The following SLC17A1 variants were observed in gnomAD, a reference collection of about 807,000 sequenced individuals.
SLC17A1 encodes the protein sodium-dependent phosphate transport protein 1.
SLC17A1 carries 51 observed loss-of-function variants against 53.5 expected under a neutral mutation model. The ratio of observed to expected loss-of-function variants is 0.95; its 90% CI spans 0.76 to 1.20. SLC17A1 has a LOEUF of 1.20. Among genes scored for constraint, SLC17A1 ranks in the 50% most tolerant of loss-of-function variants. The pLI is 0.00. For missense variants in SLC17A1, 538 were observed against 568.2 expected (o/e 0.95, Z 0.54); for synonymous variants, 179 against 198.8 (o/e 0.90, Z 0.84).
the SLC17A1 span, among the ~76,000 whole-genome samples, chr6:25,742,933 C>T: frequency 0.27 from 41,335 of 152,114 alleles, 6,834 homozygotes; most frequent in East Asian, 0.7. Flanking sequence ...TACAACTCCA[C>T]ATATATGAAA....
chr6:25,785,035 A>G (rs1385456779), intron 12 of SLC17A1, among the ~76,000 whole-genome samples: 1 of 152,190 alleles, frequency 6.6e-6, no homozygotes, highest in Non-Finnish European at 1.5e-5. Flanking sequence ...AAAATATTAG[A>G]ACTAATGAGT....
the SLC17A1 span, chr6:25,726,851 A>T: frequency 6.5e-7 from 1 of 1,545,122 alleles, no homozygotes; most frequent in East Asian, 2.2e-5. Context: ...TGAGCACTGG[A>T]AAGTGCTGTG....
At position 25,792,126 on chromosome 6, in the gene SLC17A1, C is replaced by T. The variant is rs577508257; in HGVS notation, c.*2+6657G>A. On this transcript the variant is annotated intron_variant, in intron 12 of 12. Coordinates refer to ENST00000244527, the MANE Select transcript of SLC17A1 (RefSeq NM_005074.5). ...GAGTCACACACATACTCTCAGTTCC[C>T]TGAAAATCTGCATCCTTTTATATTT... 9.9e-5 allele frequency among the ~76,000 whole-genome samples: 15 copies of T among 152,280 alleles called. No homozygotes were observed. The East Asian group carries it at 2.9e-3, about 29-fold the overall frequency.
the SLC17A1 span, among the ~76,000 whole-genome samples, chr6:25,735,650 A>G: frequency 6.6e-6 from 1 of 152,186 alleles, no homozygotes; most frequent in Non-Finnish European, 1.5e-5. Flanking sequence ...ACATGTACAT[A>G]CCAAGAGCTA....
the SLC17A1 span, chr6:25,768,415 T>C: frequency 1.4e-5 from 14 of 988,742 alleles, no homozygotes; most frequent in Non-Finnish European, 1.6e-5. Flanking sequence ...AGAGCTCCTA[T>C]GGAACACTAG....
downstream of SLC17A1, chr6:25,781,183 A>C (rs1049139855): frequency 1.1e-4 from 15 of 138,852 alleles, no homozygotes; most frequent in African/African-American, 3.8e-4. Context: ...GCAGAAAGAA[A>C]GAAAGAAAGA....
At chr6:25,727,279 C>G in the SLC17A1 span, 1 of 1,602,944 alleles carries the variant, frequency 6.2e-7, no homozygotes, top group Non-Finnish European at 8.5e-7. Flanking sequence ...ACTAAGTACA[C>G]CAGCTCCAAG....
At chr6:25,737,420 C>A in the SLC17A1 span, among the ~76,000 whole-genome samples, 3 of 151,966 alleles carry the variant, frequency 2.0e-5, no homozygotes, top group African/African-American at 7.3e-5. Flanking sequence ...CATTCCCTAG[C>A]CCCCTGCTTG....
At chr6:25,733,677 C>G in the SLC17A1 span, among the ~76,000 whole-genome samples, 1 of 151,738 alleles carries the variant, frequency 6.6e-6, no homozygotes, top group Non-Finnish European at 1.5e-5. Flanking sequence ...ATATAATGGA[C>G]ACACTGAGAT....
the SLC17A1 span, among the ~76,000 whole-genome samples, chr6:25,745,660 T>G: frequency 1.3e-5 from 2 of 152,190 alleles, no homozygotes; most frequent in African/African-American, 4.8e-5. Context: ...GTTGGAGGCC[T>G]TTTCTTAGGC....
intron 6 of SLC17A1, among the ~76,000 whole-genome samples, chr6:25,815,481 A>G (rs535459275): frequency 1.3e-5 from 2 of 152,176 alleles, no homozygotes; most frequent in Non-Finnish European, 2.9e-5. Context: ...ACGAATTACT[A>G]TTTTTTAAAG....
chr6:25,732,901 CA>C, the SLC17A1 span: 1 of 253,154 alleles, frequency 4.0e-6, no homozygotes, highest in South Asian at 5.8e-5. Context: ...AAAACAAAAA[CA>C]AAAACCCCAA....
At chr6:25,746,416 G>A in the SLC17A1 span, among the ~76,000 whole-genome samples, 1 of 152,098 alleles carries the variant, frequency 6.6e-6, no homozygotes, top group Non-Finnish European at 1.5e-5. Context: ...GACAATAGTT[G>A]CTAAAATGCA....
At chr6:25,830,722 A>C in intron 1 of SLC17A1, 115 bp from the exon 2 acceptor site, 1 of 578,424 alleles carries the variant, frequency 1.7e-6, no homozygotes, top group Non-Finnish European at 3.1e-6. Flanking sequence ...GCTCCATCAC[A>C]GCAGTGCCCA....
the SLC17A1 span, chr6:25,727,097 T>C: frequency 6.2e-7 from 1 of 1,614,238 alleles, no homozygotes; most frequent in Admixed American, 1.7e-5. Flanking sequence ...CTATGAGCAT[T>C]ATGAATTCCT....
chr6:25,797,828 G>A (rs973385626), intron 12 of SLC17A1, among the ~76,000 whole-genome samples: 29 of 151,952 alleles, frequency 1.9e-4, no homozygotes, highest in African/African-American at 6.8e-4. Flanking sequence ...TTGAACTCCT[G>A]ACCTCATGAT....
At chr6:25,765,611 A>G in the SLC17A1 span, among the ~76,000 whole-genome samples, 6 of 152,242 alleles carry the variant, frequency 3.9e-5, no homozygotes, top group African/African-American at 1.4e-4. Context: ...AAGAATATGG[A>G]AGAAGTCCCA....
At chr6:25,801,498 G>A (rs1308838316) in intron 10 of SLC17A1, among the ~76,000 whole-genome samples, 4 of 152,186 alleles carry the variant, frequency 2.6e-5, no homozygotes, top group African/African-American at 9.7e-5. Context: ...ACGCAGTGAA[G>A]CTGCAGCGAA....
At chr6:25,791,454 G>T (rs1349191880) in intron 12 of SLC17A1, among the ~76,000 whole-genome samples, 1 of 152,102 alleles carries the variant, frequency 6.6e-6, no homozygotes, top group Non-Finnish European at 1.5e-5. Context: ...CCCAGAAATA[G>T]ACATAAATAT....
Sources: allele counts gnomAD v4.1 joint callset (sites outside exome capture counted in the v4.1 genomes callset), GRCh38; gene constraint gnomAD v4.1.1; transcripts MANE v1.5; gene names NCBI Gene and HGNC (gene_info 2026-07-23, HGNC 2026-07-21).